LHFPL6: variants seen among roughly 807,000 people sequenced by gnomAD.
LHFPL6 encodes the protein LHFPL tetraspan subfamily member 6 protein.
LHFPL6 carries 9 observed loss-of-function variants against 20.6 expected under a neutral mutation model. That is an observed-to-expected ratio of 0.44 (90% CI 0.26 to 0.76). The LOEUF (loss-of-function observed/expected upper bound fraction) is 0.76, where lower values mean the gene tolerates loss of function less well. Among genes scored for constraint, LHFPL6 ranks in the 30% least tolerant of loss-of-function variants. The pLI, the probability that LHFPL6 is intolerant of heterozygous loss-of-function variation, is 0.20. For missense variants in LHFPL6, 218 were observed against 253.5 expected, an observed-to-expected ratio of 0.86 and a Z score of 0.95; for synonymous variants, 105 against 98.7, an observed-to-expected ratio of 1.06 and a Z score of -0.38.
chr13:39,418,078 T>A (rs112867846), intron 2 of LHFPL6, among the ~76,000 whole-genome samples: 12 of 152,182 alleles, frequency 7.9e-5, no homozygotes, highest in African/African-American at 2.6e-4. Flanking sequence ...AAACCCCACA[T>A]CTACTCTTCC....
chr13:39,411,285 A>G (rs1016510090), intron 2 of LHFPL6, among the ~76,000 whole-genome samples: 7 of 152,182 alleles, frequency 4.6e-5, no homozygotes, highest in African/African-American at 7.2e-5. Context: ...TAATTGGCAA[A>G]ACGGGTATAA....
intron 2 of LHFPL6, among the ~76,000 whole-genome samples, chr13:39,500,167 C>CT (rs1869243477): frequency 6.6e-6 from 1 of 151,818 alleles, no homozygotes; most frequent in African/African-American, 2.4e-5. Flanking sequence ...TTGCATTTTG[C>CT]TTTTTTTATT....
At chr13:39,512,609 A>AG (rs1869758470) in intron 2 of LHFPL6, among the ~76,000 whole-genome samples, 4 of 150,284 alleles carry the variant, frequency 2.7e-5, no homozygotes, top group African/African-American at 7.4e-5. Context: ...CTCAAAAAAA[A>AG]AAAAAAGAAA....
intron 2 of LHFPL6, among the ~76,000 whole-genome samples, chr13:39,558,203 A>G (rs1871365644): frequency 6.6e-6 from 1 of 152,214 alleles, no homozygotes; most frequent in African/African-American, 2.4e-5. Context: ...AGAGTGTAGA[A>G]TAGTAACAGA....
intron 2 of LHFPL6, among the ~76,000 whole-genome samples, chr13:39,573,262 A>G (rs548848467): frequency 1.4e-4 from 22 of 152,186 alleles, no homozygotes; most frequent in Non-Finnish European, 2.2e-4. Context: ...AGCAAAAAAA[A>G]CTAGGTGAAA....
intron 2 of LHFPL6, among the ~76,000 whole-genome samples, chr13:39,592,298 C>G (rs1419839075): frequency 6.6e-6 from 1 of 151,998 alleles, no homozygotes; most frequent in Non-Finnish European, 1.5e-5. Context: ...ATATCACCAC[C>G]GATCCCACAG....
chr13:39,565,656 T>C (rs554797861), intron 2 of LHFPL6, among the ~76,000 whole-genome samples: 5 of 152,390 alleles, frequency 3.3e-5, no homozygotes, highest in African/African-American at 1.2e-4. Flanking sequence ...TAACAGAACA[T>C]TCTATGTATA....
intron 3 of LHFPL6, among the ~76,000 whole-genome samples, chr13:39,361,358 G>A (rs944710306): frequency 2.0e-5 from 3 of 148,540 alleles, no homozygotes; most frequent in African/African-American, 7.5e-5. Flanking sequence ...TCACTCTGTC[G>A]CCAGGCTGGA....
chr13:39,401,651 G>A (rs535057332), intron 2 of LHFPL6, among the ~76,000 whole-genome samples: 10 of 152,260 alleles, frequency 6.6e-5, no homozygotes, highest in South Asian at 2.1e-4. Context: ...GAGTTCTACC[G>A]CTTAATCATT....
intron 2 of LHFPL6, among the ~76,000 whole-genome samples, chr13:39,388,742 CA>C (rs752080193): frequency 3.3e-5 from 5 of 152,100 alleles, no homozygotes; most frequent in Admixed American, 2.0e-4. Context: ...ACTGGAATTG[CA>C]GGGCAGATGA....
chr13:39,450,761 G>A (rs1872422344), intron 2 of LHFPL6, among the ~76,000 whole-genome samples: 1 of 152,120 alleles, frequency 6.6e-6, no homozygotes. Context: ...CATTTCATAT[G>A]GCTCCAGCTA....
chr13:39,570,430 C>A (rs1398528346), intron 2 of LHFPL6, among the ~76,000 whole-genome samples: 3 of 152,030 alleles, frequency 2.0e-5, no homozygotes, highest in African/African-American at 4.8e-5. Flanking sequence ...AGGCATAAGC[C>A]ACCACGCCTG....
Position 39,496,206 on chromosome 13 carries a change from G to A in LHFPL6, c.385+104626C>T, listed in dbSNP as rs551556176. The stretch of plus-strand genomic sequence containing the variant: ...TATTTAGCACAATTCCAGAGCCTGG[G>A]AAGTCCAACATGAAGGTGGATTTGG... On this transcript the variant is annotated intron_variant, in intron 2 of 3. Coordinates refer to ENST00000379589, the MANE Select transcript of LHFPL6 (RefSeq NM_005780.3). Among the ~76,000 whole-genome samples the A allele has an allele frequency of 5.3e-5, 8 of 152,252 alleles. No homozygotes were observed. In the South Asian group the frequency reaches 1.7e-3, roughly 32 times the overall value.
At chr13:39,492,503 T>A (rs1047252341) in intron 2 of LHFPL6, among the ~76,000 whole-genome samples, 17 of 152,232 alleles carry the variant, frequency 1.1e-4, no homozygotes, top group Non-Finnish European at 2.1e-4. Context: ...TGTATTCAAA[T>A]AAAAGAGCAA....
intron 2 of LHFPL6, among the ~76,000 whole-genome samples, chr13:39,470,900 T>C (rs546160095): frequency 5.3e-5 from 8 of 152,288 alleles, no homozygotes; most frequent in Admixed American, 4.6e-4. Flanking sequence ...GTTACCTCCT[T>C]CTCCCTCTCT....
intron 2 of LHFPL6, among the ~76,000 whole-genome samples, chr13:39,469,198 C>G (rs768528057): frequency 2.6e-5 from 4 of 152,124 alleles, no homozygotes; most frequent in Non-Finnish European, 5.9e-5. Flanking sequence ...CTTTCCTCCC[C>G]ACCTCTCTCG....
intron 2 of LHFPL6, among the ~76,000 whole-genome samples, chr13:39,416,626 T>C (rs369627055): frequency 6.6e-6 from 1 of 152,244 alleles, no homozygotes; most frequent in African/African-American, 2.4e-5. Context: ...ATGTACTTAA[T>C]GTGTGAATGC....
intron 2 of LHFPL6, among the ~76,000 whole-genome samples, chr13:39,501,270 C>G (rs1869285577): frequency 6.6e-6 from 1 of 152,172 alleles, no homozygotes; most frequent in Non-Finnish European, 1.5e-5. Flanking sequence ...GCCACAATAC[C>G]TCCTATGTGG....
intron 2 of LHFPL6, among the ~76,000 whole-genome samples, chr13:39,431,902 CT>C (rs1871822920): frequency 1.3e-5 from 2 of 152,166 alleles, no homozygotes; most frequent in African/African-American, 4.8e-5. Context: ...TCCCTACCCC[CT>C]GCTATGGTCT....
Sources: gnomAD v4.1 joint callset for allele counts (sites outside exome capture counted in the v4.1 genomes callset) on GRCh38, gnomAD v4.1.1 for gene constraint, MANE v1.5 for transcripts, NCBI Gene and HGNC (gene_info 2026-07-23, HGNC 2026-07-21) for gene names.